Variants in TMEM39B observed in about 807,000 individuals in gnomAD.
The protein encoded by TMEM39B is transmembrane protein 39B.
In TMEM39B, 23 loss-of-function variants were observed where a neutral mutation model predicts 52.2. The ratio of observed to expected loss-of-function variants is 0.44; its 90% CI spans 0.32 to 0.62. TMEM39B has a LOEUF of 0.62. Ranked by LOEUF, TMEM39B falls within the 20% of genes least tolerant of loss-of-function variation. TMEM39B has a pLI of 0.06. For missense variants in TMEM39B, 547 were observed against 642.0 expected (o/e 0.85, Z 1.60); for synonymous variants, 285 against 264.0 (o/e 1.08, Z -0.77).
chr1:32,073,170 C>G, intron 1 of TMEM39B, 119 bp downstream of exon 1: 1 of 1,227,424 alleles, frequency 8.1e-7, no homozygotes, highest in Non-Finnish European at 1.0e-6. Context: ...GGAGGGGATG[C>G]GAGCGCAGAC....
At chr1:32,083,849 C>T (rs536486012) in intron 5 of TMEM39B, among the ~76,000 whole-genome samples, 1 of 152,066 alleles carries the variant, frequency 6.6e-6, no homozygotes, top group South Asian at 2.1e-4. Context: ...TGGCTCAAGC[C>T]ATCCTCCCAT....
chr1:32,095,227 G>C (rs1640769814), intron 7 of TMEM39B, among the ~76,000 whole-genome samples: 1 of 152,158 alleles, frequency 6.6e-6, no homozygotes, highest in Non-Finnish European at 1.5e-5. Context: ...TCTCTTTGCT[G>C]ACTGTTTATT....
intron 6 of TMEM39B, among the ~76,000 whole-genome samples, chr1:32,094,144 T>TTGA (rs35316589): frequency 8.2e-6 from 1 of 122,492 alleles, no homozygotes; most frequent in Non-Finnish European, 1.6e-5. Flanking sequence ...TTTTTTTTTT[T>TTGA]GAGGCGGAGT....
intron 7 of TMEM39B, among the ~76,000 whole-genome samples, chr1:32,100,047 CAAA>C (rs960210737): frequency 6.9e-6 from 1 of 144,736 alleles, no homozygotes; most frequent in Non-Finnish European, 1.5e-5. Context: ...AACTCATTCT[CAAA>C]AAAAAAAGCC....
chr1:32,095,409 T>G (rs899857092), intron 7 of TMEM39B, among the ~76,000 whole-genome samples: 1 of 152,030 alleles, frequency 6.6e-6, no homozygotes, highest in Non-Finnish European at 1.5e-5. Context: ...CCAGCGGAGA[T>G]AGAGGATTTT....
intron 3 of TMEM39B, 151 bp from the exon 4 acceptor site, chr1:32,076,612 A>C: frequency 1.3e-6 from 1 of 791,706 alleles, no homozygotes; most frequent in Non-Finnish European, 2.2e-6. Context: ...CCTGTAGGTA[A>C]TTTCCTGGCC....
intron 7 of TMEM39B, among the ~76,000 whole-genome samples, chr1:32,095,479 G>A (rs1333599509): frequency 6.6e-6 from 1 of 152,156 alleles, no homozygotes; most frequent in Non-Finnish European, 1.5e-5. Context: ...GTGCCAGGAT[G>A]TGGTGCTGTG....
intron 5 of TMEM39B, among the ~76,000 whole-genome samples, chr1:32,090,618 T>G (rs1439212310): frequency 1.3e-5 from 2 of 149,806 alleles, no homozygotes; most frequent in African/African-American, 2.5e-5. Flanking sequence ...TGCCTAATTT[T>G]TTTTTGTTGT....
chr1:32,079,516 T>A (rs1463574831), intron 5 of TMEM39B, among the ~76,000 whole-genome samples: 1 of 151,908 alleles, frequency 6.6e-6, no homozygotes, highest in African/African-American at 2.4e-5. Flanking sequence ...GACCAGTTCA[T>A]CCCCTCCTTA....
Position 32,075,717 on chromosome 1 carries a change from G to T in TMEM39B, c.246G>T (p.Leu82Phe), listed in dbSNP as rs1043882408. The T allele has an allele frequency of 1.4e-5, 21 of 1,551,630 alleles. No individual in the cohort carries two copies. The highest frequency in any genetic ancestry group is 1.7e-5 in the Non-Finnish European group (19 of 1,147,014). The change falls in exon 3 of 9, where the codon TTG (leucine) becomes TTT (phenylalanine). Residue 82 changes from leucine to phenylalanine, a missense_variant. By Grantham distance (22) the Leu-to-Phe change is conservative. Coordinates refer to ENST00000336294, the MANE Select transcript of TMEM39B (RefSeq NM_018056.4). ...TCCAGGCCAGCATTCTGTTTGAGTTGCAGCTCTTCTTCTGCCAGCTCATAG... is the reference window on the plus strand; with the variant it reads ...TCCAGGCCAGCATTCTGTTTGAGTTTCAGCTCTTCTTCTGCCAGCTCATAG... Reference protein sequence around the residue: ...LPVQASILFELQLFFCQLIAL... With the variant: ...LPVQASILFEFQLFFCQLIAL...
Position 32,102,484 on chromosome 1 carries a change from C to A in TMEM39B, c.1290C>A (p.Gly430=), listed in dbSNP as rs749795225. The A allele has an allele frequency of 1.2e-6, 2 of 1,614,032 alleles. No homozygotes were observed. Among genetic ancestry groups the A allele is most frequent in the African/African-American group, 2.7e-5 (2 of 74,930 alleles). Residue 430 remains glycine, a synonymous_variant, in exon 9 of 9, where the codon GGC becomes GGA. Transcript: ENST00000336294. The part of the protein sequence containing the change: ...RILNILLLLE[G]AVIVYQLYSL... ...TCAACATCCTCCTGCTGCTGGAGGG[C>A]GCTGTCATTGTCTATCAGCTGTACT...
intron 1 of TMEM39B, 62 bp from the exon 2 acceptor site, chr1:32,074,889 T>C: frequency 2.0e-6 from 3 of 1,493,320 alleles, no homozygotes; most frequent in Middle Eastern, 1.8e-4. Flanking sequence ...GCTGGTATCA[T>C]TGCTGTTATC....
chr1:32,092,689 T>C (rs1270046348), intron 6 of TMEM39B, among the ~76,000 whole-genome samples: 5 of 151,810 alleles, frequency 3.3e-5, no homozygotes, highest in Admixed American at 1.3e-4. Context: ...CGGGGTTTCA[T>C]GATGTTGGCC....
At chr1:32,087,995 G>A (rs981167450) in intron 5 of TMEM39B, among the ~76,000 whole-genome samples, 3 of 151,188 alleles carry the variant, frequency 2.0e-5, no homozygotes, top group East Asian at 2.0e-4. Context: ...CTCTGGTGGC[G>A]GGCGCCTGTA....
Position 32,100,531 on chromosome 1 carries a change from T to A in TMEM39B, c.1205T>A (p.Ile402Asn). The change falls in exon 8 of 9, where the codon ATC becomes AAC. Residue 402 changes from isoleucine (I) to asparagine (N), a missense_variant. Transcript: ENST00000336294. Reference protein sequence around the residue: ...YKAVGHYNVAIPSDVSHFRFH... With the variant: ...YKAVGHYNVANPSDVSHFRFH... ...GCCGTAGGCCACTACAACGTGGCTA[T>A]CCCCTCTGACGTCTCCCACTTCCGC... 3 of 1,614,172 alleles carry A rather than the reference T, an allele frequency of 1.9e-6. No homozygotes were observed. Among genetic ancestry groups the A allele is most frequent in the Non-Finnish European group, 2.5e-6 (3 of 1,180,012 alleles).
intron 3 of TMEM39B, chr1:32,076,417 T>A (rs745666078): frequency 4.9e-5 from 19 of 385,300 alleles, no homozygotes; most frequent in Non-Finnish European, 8.0e-5. Context: ...GGCCAGGAGC[T>A]GAGAGTCTTA....
At chr1:32,094,635 T>C in intron 6 of TMEM39B, 149 bp from the exon 7 acceptor site, 1 of 883,808 alleles carries the variant, frequency 1.1e-6, no homozygotes. Flanking sequence ...GCCTAAGCCT[T>C]GTTTGTTGGG....
chr1:32,079,638 A>G (rs1640012537), intron 5 of TMEM39B, among the ~76,000 whole-genome samples: 1 of 152,010 alleles, frequency 6.6e-6, no homozygotes, highest in South Asian at 2.1e-4. Flanking sequence ...GGCTCAAGCA[A>G]TCCTCCCACC....
intron 8 of TMEM39B, among the ~76,000 whole-genome samples, chr1:32,101,430 C>A (rs1329296173): frequency 1.3e-5 from 2 of 151,206 alleles, no homozygotes; most frequent in Non-Finnish European, 1.5e-5. Context: ...GAAATCCCCT[C>A]CCCCCCTTTT....
Sources: gnomAD v4.1 joint callset for allele counts (sites outside exome capture counted in the v4.1 genomes callset) on GRCh38, gnomAD v4.1.1 for gene constraint, MANE v1.5 for transcripts, NCBI Gene and HGNC (gene_info 2026-07-23, HGNC 2026-07-21) for gene names.